The following ALDH3B1 variants were observed in gnomAD, a reference collection of about 807,000 sequenced individuals.
ALDH3B1 encodes the protein aldehyde dehydrogenase family 3 member B1.
Under a neutral mutation model 46.2 loss-of-function variants are expected in ALDH3B1, and 37 were observed. The observed-to-expected ratio is 0.80, with a 90% CI of 0.62 to 1.05. ALDH3B1 has a LOEUF of 1.05. Among genes scored for constraint, ALDH3B1 ranks in the 50% least tolerant of loss-of-function variants. The pLI is 0.00. For synonymous variants in ALDH3B1, 283 were observed against 281.0 expected (o/e 1.01, Z -0.07); for missense variants, 603 against 665.5 (o/e 0.91, Z 1.03).
At chr11:68,023,882 A>C (rs1191803862) in intron 8 of ALDH3B1, among the ~76,000 whole-genome samples, 3 of 151,942 alleles carry the variant, frequency 2.0e-5, no homozygotes, top group Non-Finnish European at 4.4e-5. Context: ...TCTCTATGAA[A>C]CATTTTTTTA....
chr11:68,021,860 A>G lies in ALDH3B1; in HGVS notation c.938A>G (p.Asp313Gly). 6.2e-7 allele frequency: 1 copy of G among 1,604,230 alleles called. No individual in the cohort carries two copies. The highest frequency in any genetic ancestry group is 8.5e-7 in the Non-Finnish European group (1 of 1,174,640). The change falls in exon 7 of 10, where the codon GAT (aspartate) becomes GGT (glycine). Residue 313 changes from aspartate to glycine, a missense_variant. Transcript: ENST00000342456. ...VAIGGQSDESDRYIAPTVLVD... is the reference protein window; with the variant it reads ...VAIGGQSDESGRYIAPTVLVD... ...ATTGGGGGCCAGAGCGATGAGAGCG[A>G]TCGCTACATCGGTGAGTCCTGCTGC...
rs542729938 is a variant in ALDH3B1, at chr11:68,023,119, G to A, written c.1116+358G>A. On this transcript the variant is annotated intron_variant, in intron 8 of 9. Coordinates refer to ENST00000342456, the MANE Select transcript of ALDH3B1 (RefSeq NM_000694.4). ...AAGGCACAGGCAACGTGTCGGGGATGACCCAAAGGTGCAGGTCCAAGAATG... is the reference window on the plus strand; with the variant it reads ...AAGGCACAGGCAACGTGTCGGGGATAACCCAAAGGTGCAGGTCCAAGAATG... Among the ~76,000 whole-genome samples, 4 of 152,288 alleles carry A rather than the reference G, an allele frequency of 2.6e-5. No individual in the cohort carries two copies. In the East Asian group the frequency reaches 7.7e-4, roughly 29 times the overall value.
Position 68,019,167 on chromosome 11 carries a change from C to T in ALDH3B1, c.395-3C>T. On this transcript the variant is annotated splice_region_variant and splice_polypyrimidine_tract_variant and intron_variant, in intron 4 of 9. Transcript: ENST00000342456. ...CCAGCTCTCTCCCTGCACTGCCCTGCAGGGAACTGTGTGGTGCTGAAGCCA... is the reference window on the plus strand; with the variant it reads ...CCAGCTCTCTCCCTGCACTGCCCTGTAGGGAACTGTGTGGTGCTGAAGCCA... The T allele has an allele frequency of 6.2e-7, 1 of 1,611,586 alleles. No homozygotes were observed.
chr11:68,027,561 T>A (rs1857658116), intron 9 of ALDH3B1, among the ~76,000 whole-genome samples, 188 bp from the exon 10 acceptor site: 1 of 152,066 alleles, frequency 6.6e-6, no homozygotes. Flanking sequence ...GCATCTGGCA[T>A]CCCCAGGGCT....
At chr11:68,012,357 C>T (rs530231988) in intron 1 of ALDH3B1, among the ~76,000 whole-genome samples, 5 of 152,336 alleles carry the variant, frequency 3.3e-5, no homozygotes, top group South Asian at 2.1e-4. Context: ...TTTAGAGGCC[C>T]GTGGCCTTGA....
chr11:68,022,749 C>T lies in ALDH3B1; in HGVS notation c.1104C>T (p.Ser368=), dbSNP rs560955526. The change falls in exon 8 of 10, where the codon TCC becomes TCT. Residue 368 remains serine (S), a synonymous_variant. Coordinates refer to ENST00000342456, the MANE Select transcript of ALDH3B1 (RefSeq NM_000694.4). ...REKPLALYAF[S]NSSQVVKRVL... Reference sequence around the variant, plus strand: ...AGCCCCTGGCCCTGTACGCCTTCTCCAACAGCAGCCAGGTGGGGGTGCGGC... The same window carrying T: ...AGCCCCTGGCCCTGTACGCCTTCTCTAACAGCAGCCAGGTGGGGGTGCGGC... The T allele has an allele frequency of 6.2e-7, 1 of 1,614,090 alleles. No individual in the cohort carries two copies. Among genetic ancestry groups the T allele is most frequent in the African/African-American group, 1.3e-5 (1 of 75,058 alleles).
At chr11:68,022,052 A>G (rs1333504773) in intron 7 of ALDH3B1, among the ~76,000 whole-genome samples, 181 bp downstream of exon 7, 3 of 152,168 alleles carry the variant, frequency 2.0e-5, no homozygotes, top group East Asian at 3.9e-4. Flanking sequence ...CTGTGGCCCT[A>G]TGAGGCCAAA....
intron 6 of ALDH3B1, 37 bp downstream of exon 6, chr11:68,019,833 G>C (rs757517031): frequency 1.9e-4 from 308 of 1,604,528 alleles, no homozygotes; most frequent in Non-Finnish European, 2.6e-4. Context: ...GGCTGGGGTC[G>C]GGGAGGACAG....
At chr11:68,016,343 G>A (rs773943207) in intron 2 of ALDH3B1, 1 of 152,700 alleles carries the variant, frequency 6.5e-6, no homozygotes, top group East Asian at 1.9e-4. Context: ...GAGCAGCAAG[G>A]AGGCCAGCAT....
At chr11:68,025,904 C>T (rs894891772) in intron 8 of ALDH3B1, 105 bp from the exon 9 acceptor site, 6 of 805,098 alleles carry the variant, frequency 7.5e-6, no homozygotes, top group Non-Finnish European at 1.1e-5. Flanking sequence ...CAGACCCTTT[C>T]TGAGGCAAGA....
intron 1 of ALDH3B1, among the ~76,000 whole-genome samples, chr11:68,013,412 G>C (rs1490552662): frequency 6.6e-6 from 1 of 152,222 alleles, no homozygotes; most frequent in African/African-American, 2.4e-5. Flanking sequence ...TTTCTGCAGA[G>C]ATTCTTACAA....
rs368978592 is a variant in ALDH3B1, at chr11:68,012,966, C to T, written c.-1-2331C>T. On this transcript the variant is annotated intron_variant, in intron 1 of 9. Coordinates refer to ENST00000342456, the MANE Select transcript of ALDH3B1 (RefSeq NM_000694.4). Reference sequence around the variant, plus strand: ...TGGGCGGCCGTGGTGGTGAAATGAGCGAGGGCAGGCATGGGGATCACACTC... The same window carrying T: ...TGGGCGGCCGTGGTGGTGAAATGAGTGAGGGCAGGCATGGGGATCACACTC... Among the ~76,000 whole-genome samples the T allele has an allele frequency of 3.9e-4, 60 of 152,164 alleles. No homozygotes were observed. In the East Asian group the frequency reaches 0.01, roughly 27 times the overall value.
chr11:68,009,250 G>A (rs1857184830), upstream of ALDH3B1, among the ~76,000 whole-genome samples: 2 of 152,356 alleles, frequency 1.3e-5, no homozygotes, highest in African/African-American at 4.8e-5. Flanking sequence ...GCGGCCCATG[G>A]GGTGGTGTGG....
At chr11:68,023,296 A>C (rs997035546) in intron 8 of ALDH3B1, among the ~76,000 whole-genome samples, 246 of 88,128 alleles carry the variant, frequency 2.8e-3, no homozygotes, top group South Asian at 4.6e-3. Context: ...GATTCCCTCC[A>C]CTTGAACTTT....
intron 8 of ALDH3B1, among the ~76,000 whole-genome samples, chr11:68,023,307 T>C (rs972960980): frequency 6.7e-6 from 1 of 149,686 alleles, no homozygotes; most frequent in Non-Finnish European, 1.5e-5. Flanking sequence ...CTTGAACTTT[T>C]TTTTTTTTTT....
chr11:68,020,730 G>C (rs117252786), intron 6 of ALDH3B1, among the ~76,000 whole-genome samples: 6 of 152,216 alleles, frequency 3.9e-5, no homozygotes, highest in Non-Finnish European at 8.8e-5. Flanking sequence ...GATGGGGCAG[G>C]GGTGAGAGTA....
At chr11:68,012,254 G>A (rs555103934) in intron 1 of ALDH3B1, among the ~76,000 whole-genome samples, 82 of 152,280 alleles carry the variant, frequency 5.4e-4, no homozygotes, top group African/African-American at 1.8e-3. Flanking sequence ...TGTCAGCCCC[G>A]TTCCTCCCCA....
At chr11:68,009,604 G>A (rs146616514), upstream of ALDH3B1, among the ~76,000 whole-genome samples, 130 of 152,356 alleles carry the variant, frequency 8.5e-4, no homozygotes, top group African/African-American at 3.1e-3. Flanking sequence ...GTGACCGGGG[G>A]CTGCATGCGT....
At position 68,019,210 on chromosome 11, in the gene ALDH3B1, C is replaced by T. The variant is rs749498168; in HGVS notation, c.435C>T (p.Asn145=). The part of the protein sequence containing the change: ...VVLKPSEISK[N]VEKILAEVLP... ...TGAAGCCATCGGAGATTAGCAAGAACGTCGAGAAGATCCTGGCCGAGGTGC... is the reference window on the plus strand; with the variant it reads ...TGAAGCCATCGGAGATTAGCAAGAATGTCGAGAAGATCCTGGCCGAGGTGC... The change falls in exon 5 of 10, where the codon AAC becomes AAT. Residue 145 remains asparagine (N), a synonymous_variant. Transcript: ENST00000342456. The T allele has an allele frequency of 3.3e-5, 53 of 1,613,458 alleles. 2 individuals carry two copies. The Middle Eastern group carries it at 2.5e-3, about 75-fold the overall frequency.
Sources: allele counts gnomAD v4.1 joint callset (sites outside exome capture counted in the v4.1 genomes callset), GRCh38; gene constraint gnomAD v4.1.1; transcripts MANE v1.5; gene names NCBI Gene and HGNC (gene_info 2026-07-23, HGNC 2026-07-21).